FSTL5: variants seen among roughly 807,000 people sequenced by gnomAD.
The protein encoded by FSTL5 is follistatin like 5.
FSTL5 carries 62 observed loss-of-function variants against 89.1 expected under a neutral mutation model. The ratio of observed to expected loss-of-function variants is 0.70; its 90% CI spans 0.57 to 0.86. FSTL5 has a LOEUF of 0.86. Among genes scored for constraint, FSTL5 ranks in the 40% least tolerant of loss-of-function variants. The pLI, the probability that FSTL5 is intolerant of heterozygous loss-of-function variation, is 0.00. For missense variants in FSTL5, 1,057 were observed against 1,001.6 expected (o/e 1.06, Z -0.75); for synonymous variants, 383 against 346.2 (o/e 1.11, Z -1.18).
intron 4 of FSTL5, among the ~76,000 whole-genome samples, chr4:161,797,773 G>T (rs1000684138): frequency 1.3e-4 from 19 of 151,456 alleles, no homozygotes; most frequent in Admixed American, 2.6e-4. Context: ...TCGTTAATAT[G>T]ATATTTTTGA....
At chr4:161,462,399 C>T (rs1412109433) in intron 13 of FSTL5, among the ~76,000 whole-genome samples, 1 of 152,114 alleles carries the variant, frequency 6.6e-6, no homozygotes, top group Non-Finnish European at 1.5e-5. Context: ...AAATACATGC[C>T]GTCATCTCTG....
intron 4 of FSTL5, among the ~76,000 whole-genome samples, chr4:161,874,320 G>C (rs1385243907): frequency 6.6e-6 from 1 of 151,642 alleles, no homozygotes; most frequent in Non-Finnish European, 1.5e-5. Context: ...AATAATAATT[G>C]CTGTTCTGTT....
At chr4:161,622,335 T>C (rs1398197509) in intron 7 of FSTL5, among the ~76,000 whole-genome samples, 1 of 152,056 alleles carries the variant, frequency 6.6e-6, no homozygotes, top group Non-Finnish European at 1.5e-5. Context: ...TTACACAACT[T>C]TTTTTGTAAA....
chr4:162,038,395 C>T (rs923912656), intron 2 of FSTL5, among the ~76,000 whole-genome samples: 63 of 151,808 alleles, frequency 4.1e-4, no homozygotes, highest in African/African-American at 1.2e-3. Flanking sequence ...GGAAGAAGTA[C>T]GGTTTTATAA....
chr4:161,694,635 A>C (rs1738072248), intron 6 of FSTL5, among the ~76,000 whole-genome samples: 1 of 152,014 alleles, frequency 6.6e-6, no homozygotes, highest in Admixed American at 6.5e-5. Context: ...AGGCTTTCTC[A>C]AAAATGATTT....
At chr4:161,454,219 G>A (rs1411670368) in intron 15 of FSTL5, among the ~76,000 whole-genome samples, 1 of 152,106 alleles carries the variant, frequency 6.6e-6, no homozygotes, top group African/African-American at 2.4e-5. Context: ...CCACACATCA[G>A]AATTCACTTG....
At chr4:161,838,055 G>A (rs542020480) in intron 4 of FSTL5, among the ~76,000 whole-genome samples, 1 of 151,994 alleles carries the variant, frequency 6.6e-6, no homozygotes, top group East Asian at 1.9e-4. Flanking sequence ...AAGTAAAAGT[G>A]GATTCAACAA....
At chr4:161,879,826 T>TG (rs1244483527) in intron 4 of FSTL5, among the ~76,000 whole-genome samples, 1 of 152,238 alleles carries the variant, frequency 6.6e-6, no homozygotes, top group Non-Finnish European at 1.5e-5. Context: ...TTCCCCTTGC[T>TG]TACACTTACC....
chr4:161,945,418 C>T (rs889457772), intron 3 of FSTL5, among the ~76,000 whole-genome samples: 2 of 152,080 alleles, frequency 1.3e-5, no homozygotes, highest in African/African-American at 4.8e-5. Flanking sequence ...ATTGAGCTAG[C>T]ATGAAAGAAG....
At chr4:161,486,216 T>C (rs1450202473) in intron 12 of FSTL5, among the ~76,000 whole-genome samples, 3 of 151,884 alleles carry the variant, frequency 2.0e-5, no homozygotes, top group African/African-American at 7.3e-5. Context: ...TTCTGTAATT[T>C]ATGTGAATAA....
intron 7 of FSTL5, among the ~76,000 whole-genome samples, chr4:161,624,359 A>C (rs888764676): frequency 6.6e-6 from 1 of 152,036 alleles, no homozygotes; most frequent in African/African-American, 2.4e-5. Flanking sequence ...ATGTATCCAT[A>C]GATAATAATT....
chr4:161,587,618 A>C (rs781328692), intron 7 of FSTL5, 43 bp from the exon 8 acceptor site: 3 of 1,485,734 alleles, frequency 2.0e-6, no homozygotes, highest in Non-Finnish European at 2.8e-6. Flanking sequence ...ATTTTGAATT[A>C]ATTGTAACAA....
At chr4:161,474,232 A>G (rs975242672) in intron 13 of FSTL5, among the ~76,000 whole-genome samples, 2 of 152,150 alleles carry the variant, frequency 1.3e-5, no homozygotes, top group Non-Finnish European at 2.9e-5. Context: ...TAATAGCTCC[A>G]TTCTGATCTC....
chr4:161,867,354 T>C (rs1161757544), intron 4 of FSTL5, among the ~76,000 whole-genome samples: 1 of 151,994 alleles, frequency 6.6e-6, no homozygotes, highest in Non-Finnish European at 1.5e-5. Context: ...CTCAAATTAC[T>C]AATTACTAAT....
chr4:161,735,921 C>T (rs941703671), intron 6 of FSTL5, among the ~76,000 whole-genome samples: 3 of 150,620 alleles, frequency 2.0e-5, no homozygotes, highest in African/African-American at 7.3e-5. Context: ...TTAATCAAAA[C>T]AACTTTATAA....
At chr4:161,664,501 C>A (rs972145972) in intron 6 of FSTL5, among the ~76,000 whole-genome samples, 27 of 152,280 alleles carry the variant, frequency 1.8e-4, no homozygotes, top group East Asian at 3.9e-4. Context: ...CAGTTCCCAA[C>A]AAGTTCCTCA....
rs138033700 is a variant in FSTL5 at position 161,534,923 on chromosome 4, C to G, written c.1312+3243G>C. Among the ~76,000 whole-genome samples, 79 of 152,088 alleles carry G rather than the reference C, an allele frequency of 5.2e-4. 2 individuals are homozygous for G. The East Asian group carries it at 0.011, about 21-fold the overall frequency. On this transcript the variant is annotated intron_variant, in intron 10 of 15. Coordinates refer to ENST00000306100, the MANE Select transcript of FSTL5 (RefSeq NM_020116.5). ...GACACCCCAGAAATAAACTCATACA[C>G]TTACAACCATCTTATCTTTGACAAA...
intron 4 of FSTL5, among the ~76,000 whole-genome samples, chr4:161,830,885 C>G (rs1560869801): frequency 6.6e-6 from 1 of 151,836 alleles, no homozygotes; most frequent in African/African-American, 2.4e-5. Flanking sequence ...GAACGTATTG[C>G]CATCTCCCAG....
chr4:161,774,045 A>C (rs1264281307), intron 5 of FSTL5, among the ~76,000 whole-genome samples: 1 of 152,108 alleles, frequency 6.6e-6, no homozygotes, highest in Non-Finnish European at 1.5e-5. Flanking sequence ...GTGGATCACG[A>C]GGTCAGGAGA....
Sources: allele counts gnomAD v4.1 joint callset (sites outside exome capture counted in the v4.1 genomes callset), GRCh38; gene constraint gnomAD v4.1.1; transcripts MANE v1.5; gene names NCBI Gene and HGNC (gene_info 2026-07-23, HGNC 2026-07-21).